MAP2K5: variants seen among roughly 807,000 people sequenced by gnomAD.
MAP2K5 encodes the protein mitogen-activated protein kinase kinase 5, also known as dual specificity mitogen-activated protein kinase kinase 5.
In MAP2K5, 49 loss-of-function variants were observed where a neutral mutation model predicts 83.1. That is an observed-to-expected ratio of 0.59 (90% confidence interval 0.47 to 0.75). MAP2K5 has a LOEUF of 0.75. MAP2K5 is among the 30% of genes least tolerant of loss of function. MAP2K5 has a pLI of 0.00. For synonymous variants in MAP2K5, 202 were observed against 191.8 expected (o/e 1.05, Z -0.44); for missense variants, 457 against 557.5 (o/e 0.82, Z 1.82).
chr15:67,593,922 A>G (rs2085468523), intron 7 of MAP2K5, among the ~76,000 whole-genome samples: 3 of 152,250 alleles, frequency 2.0e-5, no homozygotes, highest in Admixed American at 6.5e-5. Flanking sequence ...TGTCAAGAAG[A>G]CAAAGCCAGG....
chr15:67,795,818 T>A (rs2141338828), intron 21 of MAP2K5, among the ~76,000 whole-genome samples: 1 of 152,348 alleles, frequency 6.6e-6, no homozygotes, highest in South Asian at 2.1e-4. Context: ...TATGCTAAAA[T>A]CTCCCACTAC....
At chr15:67,772,390 T>G (rs2090159070) in intron 20 of MAP2K5, among the ~76,000 whole-genome samples, 1 of 152,232 alleles carries the variant, frequency 6.6e-6, no homozygotes. Context: ...TATTGCTGCT[T>G]TTTTCACATT....
At chr15:67,557,089 G>A (rs1282425946) in intron 2 of MAP2K5, among the ~76,000 whole-genome samples, 1 of 152,026 alleles carries the variant, frequency 6.6e-6, no homozygotes, top group African/African-American at 2.4e-5. Flanking sequence ...ATTCATATAG[G>A]CCCAGAGACC....
rs73425997 is a variant in MAP2K5 at position 67,726,120 on chromosome 15, A to G, written c.1045-1796A>G. 3.0e-3 allele frequency among the ~76,000 whole-genome samples: 463 copies of G among 152,360 alleles called. 3 individuals carry two copies. The highest frequency in any genetic ancestry group is 0.011 in the African/African-American group (453 of 41,588). On this transcript the variant is annotated intron_variant, in intron 16 of 21. Transcript: ENST00000178640. ...TAGTATACCTATATCTTGAAAATCC[A>G]TACACATATCAGTGTATATTTTGTG...
rs1264273047 is a variant in MAP2K5, at chr15:67,669,246, G to A, written c.847+4601G>A. Among the ~76,000 whole-genome samples the A allele has an allele frequency of 3.3e-5, 5 of 152,100 alleles. No homozygotes were observed. In the East Asian group the frequency reaches 9.6e-4, roughly 29 times the overall value. On this transcript the variant is annotated intron_variant, in intron 13 of 21. Transcript: ENST00000178640. ...ATTCTAGCAGTGATAGAGTGGGTTA[G>A]GAAACATTTCTTAAACAATAACATA...
At chr15:67,643,983 A>G (rs2086775766) in intron 9 of MAP2K5, among the ~76,000 whole-genome samples, 1 of 152,256 alleles carries the variant, frequency 6.6e-6, no homozygotes, top group African/African-American at 2.4e-5. Context: ...ACATAACTAC[A>G]CTATCATAGT....
chr15:67,674,858 A>G (rs1417100983), intron 13 of MAP2K5, among the ~76,000 whole-genome samples: 2 of 152,208 alleles, frequency 1.3e-5, no homozygotes, highest in African/African-American at 4.8e-5. Context: ...AAAGATGTTC[A>G]ATATCATTAG....
chr15:67,733,954 G>A (rs1021901199), intron 17 of MAP2K5, among the ~76,000 whole-genome samples: 7 of 152,168 alleles, frequency 4.6e-5, no homozygotes, highest in Non-Finnish European at 1.0e-4. Flanking sequence ...GCTGTAGGTG[G>A]CATTTGCTTC....
At chr15:67,662,213 A>G (rs1460585517) in intron 12 of MAP2K5, among the ~76,000 whole-genome samples, 1 of 152,128 alleles carries the variant, frequency 6.6e-6, no homozygotes, top group East Asian at 1.9e-4. Context: ...CTCAGTATTA[A>G]TTGATATAGA....
At chr15:67,633,155 T>C (rs1249606783) in intron 9 of MAP2K5, among the ~76,000 whole-genome samples, 1 of 152,218 alleles carries the variant, frequency 6.6e-6, no homozygotes, top group Non-Finnish European at 1.5e-5. Flanking sequence ...AGTGTGGCTC[T>C]GTTGTACACC....
chr15:67,579,949 AT>A (rs1385641809), intron 3 of MAP2K5, among the ~76,000 whole-genome samples: 1 of 152,114 alleles, frequency 6.6e-6, no homozygotes, highest in Non-Finnish European at 1.5e-5. Flanking sequence ...CATTGTGGAT[AT>A]TTTTCCACTA....
intron 13 of MAP2K5, among the ~76,000 whole-genome samples, chr15:67,678,281 G>A (rs925843035): frequency 1.3e-5 from 2 of 152,250 alleles, no homozygotes; most frequent in Non-Finnish European, 1.5e-5. Flanking sequence ...AGTGGAGACC[G>A]GCTAATGTGC....
chr15:67,662,255 T>C (rs796720122), intron 12 of MAP2K5, among the ~76,000 whole-genome samples: 8 of 152,314 alleles, frequency 5.3e-5, no homozygotes, highest in African/African-American at 1.4e-4. Context: ...TATTTGGGAA[T>C]TGGCTTTCTC....
At chr15:67,600,641 C>A in intron 7 of MAP2K5, 44 bp from the exon 8 acceptor site, 1 of 1,500,244 alleles carries the variant, frequency 6.7e-7, no homozygotes. Flanking sequence ...ACATTTCCAT[C>A]CACAGCATGA....
intron 6 of MAP2K5, among the ~76,000 whole-genome samples, chr15:67,591,590 C>G (rs1054586424): frequency 2.6e-5 from 4 of 151,184 alleles, no homozygotes; most frequent in African/African-American, 9.7e-5. Flanking sequence ...AGGATGGTCT[C>G]AATCTCCTGA....
intron 8 of MAP2K5, among the ~76,000 whole-genome samples, chr15:67,624,712 G>A (rs1027436325): frequency 1.9e-4 from 29 of 151,478 alleles, no homozygotes; most frequent in African/African-American, 3.4e-4. Flanking sequence ...TCATTGCACC[G>A]TCTGCCTCCT....
At chr15:67,617,959 G>T (rs138206068) in intron 8 of MAP2K5, among the ~76,000 whole-genome samples, 3,026 of 152,292 alleles carry the variant, frequency 0.02, 44 homozygotes, top group Middle Eastern at 0.082. Flanking sequence ...CTCCCAAAGT[G>T]TTGGGATTAC....
intron 16 of MAP2K5, among the ~76,000 whole-genome samples, chr15:67,705,271 G>C (rs781630611): frequency 3.3e-5 from 5 of 152,222 alleles, no homozygotes; most frequent in Non-Finnish European, 7.3e-5. Flanking sequence ...TTGAACTCCT[G>C]CTATGCCTGC....
rs2090397261 is a variant in MAP2K5, at chr15:67,785,274, A to G, written c.1242+12522A>G. Among the ~76,000 whole-genome samples, 1 of 152,192 alleles carries G rather than the reference A, an allele frequency of 6.6e-6. No homozygotes were observed. Among genetic ancestry groups the G allele is most frequent in the South Asian group, 2.1e-4 (1 of 4,826 alleles). Reference sequence around the variant, plus strand: ...ACTGTTTCTTAAACACAGGAAGATAAGGAATTTGTGCCAGGATATAAATCA... The same window carrying G: ...ACTGTTTCTTAAACACAGGAAGATAGGGAATTTGTGCCAGGATATAAATCA... On this transcript the variant is annotated intron_variant, in intron 21 of 21. Transcript: ENST00000178640. The surrounding 1 kb of genome is among the most constrained non-coding windows in gnomAD (Gnocchi z 4.4).
Sources: gnomAD v4.1 joint callset for allele counts (sites outside exome capture counted in the v4.1 genomes callset) on GRCh38, gnomAD v4.1.1 for gene constraint, Gnocchi (gnomAD v3.1) non-coding constraint, MANE v1.5 for transcripts, NCBI Gene and HGNC (gene_info 2026-07-23, HGNC 2026-07-21) for gene names.